The following FAM186A variants were observed in gnomAD, a reference collection of about 807,000 sequenced individuals.
FAM186A encodes protein FAM186A.
A neutral mutation model predicts 216.8 loss-of-function variants in FAM186A; 163 were observed. The ratio of observed to expected loss-of-function variants is 0.75; its 90% CI spans 0.66 to 0.86. The LOEUF is 0.86. Ranked by LOEUF, FAM186A falls within the 40% of genes least tolerant of loss-of-function variation. The pLI, the probability that FAM186A is intolerant of heterozygous loss-of-function variation, is 0.00. For missense variants in FAM186A, 2,184 were observed against 2,746.2 expected, an observed-to-expected ratio of 0.80 and a Z score of 4.58; for synonymous variants, 805 against 1,025.3, an observed-to-expected ratio of 0.79 and a Z score of 4.10.
At chr12:50,337,620 G>A (rs748499998) in intron 4 of FAM186A, among the ~76,000 whole-genome samples, 9 of 151,348 alleles carry the variant, frequency 5.9e-5, no homozygotes, top group South Asian at 4.2e-4. Flanking sequence ...TCTGAAGGCC[G>A]GGCGCGGCGG....
chr12:50,361,698 G>A (rs972036096), intron 2 of FAM186A, among the ~76,000 whole-genome samples: 6 of 150,172 alleles, frequency 4.0e-5, no homozygotes, highest in Non-Finnish European at 8.8e-5. Flanking sequence ...AGCCTCCCTA[G>A]TAGCTGGGAC....
intron 4 of FAM186A, among the ~76,000 whole-genome samples, chr12:50,347,699 G>T (rs568219718): frequency 1.3e-5 from 2 of 151,286 alleles, no homozygotes; most frequent in East Asian, 3.9e-4. Context: ...AAAATTCCCC[G>T]AAATAATAGG....
intron 5 of FAM186A, among the ~76,000 whole-genome samples, chr12:50,333,112 G>A (rs940540503): frequency 4.6e-5 from 7 of 152,186 alleles, no homozygotes; most frequent in African/African-American, 1.7e-4. Flanking sequence ...ATTAGGCTCT[G>A]ATGAGAAGCC....
chr12:50,357,864 A>G (rs752279080), intron 3 of FAM186A, among the ~76,000 whole-genome samples: 10 of 152,098 alleles, frequency 6.6e-5, no homozygotes, highest in Non-Finnish European at 1.0e-4. Context: ...GCCCATGCCT[A>G]GTGGCATTGT....
At chr12:50,388,919 G>A (rs908194368) in intron 1 of FAM186A, among the ~76,000 whole-genome samples, 1 of 151,692 alleles carries the variant, frequency 6.6e-6, no homozygotes, top group African/African-American at 2.4e-5. Flanking sequence ...TGGGCGTGGT[G>A]CATGCCTGAG....
chr12:50,357,083 A>T (rs756367307), intron 3 of FAM186A, among the ~76,000 whole-genome samples: 9 of 152,102 alleles, frequency 5.9e-5, no homozygotes, highest in Non-Finnish European at 1.0e-4. Flanking sequence ...TTCAAGACAA[A>T]ACTTTTCTCT....
Position 50,351,127 on chromosome 12 carries a change from G to A in FAM186A, c.5705C>T (p.Ala1902Val). The A allele has an allele frequency of 6.4e-7, 1 of 1,551,602 alleles. No homozygotes were observed. Among genetic ancestry groups the A allele is most frequent in the East Asian group, 2.4e-5 (1 of 40,914 alleles). Residue 1902 changes from alanine (A) to valine (V), a missense_variant, in exon 4 of 8, where the codon GCT becomes GTT. Around this residue, in one of 7 missense-constraint regions of FAM186A, gnomAD observed 721 missense variants for 816.4 expected, o/e 0.88. Coordinates refer to ENST00000327337, the MANE Select transcript of FAM186A (RefSeq NM_001145475.3). ...CAGATGCTGCCCAGGGGTAGAAGGA[G>A]CCTGCAGATAGGGAGATTGCTCAGC... is the stretch of plus-strand genomic sequence containing the variant. Reference protein sequence around the residue: ...ATAEQSPYLQAPSTPGQHLAT... With the variant: ...ATAEQSPYLQVPSTPGQHLAT...
intron 4 of FAM186A, among the ~76,000 whole-genome samples, chr12:50,344,166 A>G (rs917430112): frequency 1.3e-5 from 2 of 151,620 alleles, no homozygotes; most frequent in African/African-American, 2.4e-5. Context: ...GGTTTGTTAC[A>G]TGGTTATATT....
At position 50,342,479 on chromosome 12, in the gene FAM186A, A is replaced by T. The variant is rs919509807; in HGVS notation, c.6503+7850T>A. ...TATTTTTTATTTTATTTTATTTTTT[A>T]AAATTTTTTTTTAGAGAGAGAGTCT... On this transcript the variant is annotated intron_variant, in intron 4 of 7. Coordinates refer to ENST00000327337, the MANE Select transcript of FAM186A (RefSeq NM_001145475.3). Among the ~76,000 whole-genome samples the T allele has an allele frequency of 6.0e-4, 89 of 148,774 alleles. 1 individual carries two copies. The highest frequency in any genetic ancestry group is 2.1e-3 in the Admixed American group (31 of 14,636).
rs1190571745 is a variant in FAM186A at position 50,331,682 on chromosome 12, C to T, written c.6836G>A (p.Cys2279Tyr). Residue 2279 changes from cysteine (C) to tyrosine (Y), a missense_variant, in exon 6 of 8, where the codon TGC (cysteine) becomes TAC (tyrosine). Cys to Tyr is a radical substitution (Grantham distance 194, BLOSUM62 -2). This residue lies in a region of FAM186A where 721 missense variants were observed against 816.4 expected (regional missense o/e 0.88). Transcript: ENST00000327337. ...LMEEDRTSDI[C>Y]KKFRQQEDQT... is the part of the protein sequence containing the mutation. ...TTCTAGCACATACCTAAATTTCTTG[C>T]ATATGTCAGAGGTTCTGTCCTCTTC... 6.5e-7 allele frequency: 1 copy of T among 1,540,758 alleles called. No homozygotes were observed.
At chr12:50,378,738 A>T (rs980605263) in intron 1 of FAM186A, among the ~76,000 whole-genome samples, 2 of 151,872 alleles carry the variant, frequency 1.3e-5, no homozygotes, top group African/African-American at 2.4e-5. Context: ...TACAAATCAT[A>T]TCACTAGTGG....
Position 50,354,775 on chromosome 12 carries a change from T to C in FAM186A, c.2057A>G (p.Asn686Ser). 1 of 1,535,336 alleles carries C rather than the reference T, an allele frequency of 6.5e-7. No homozygotes were observed. Residue 686 changes from asparagine (N) to serine (S), a missense_variant, in exon 4 of 8, where the codon AAC (asparagine) becomes AGC (serine). Around this residue, in one of 7 missense-constraint regions of FAM186A, gnomAD observed 1,132 missense variants for 1,263.4 expected, o/e 0.90. Coordinates refer to ENST00000327337, the MANE Select transcript of FAM186A (RefSeq NM_001145475.3). ...CTTTTTGTCAAAAGCCTTTCCTATG[T>C]TATCAATTTTCTGTTTTAGGAAAGC... ...IMAFLKQKID[N>S]IGKAFDKKTV...
chr12:50,350,188 G>T, intron 4 of FAM186A, 141 bp downstream of exon 4: 1 of 723,026 alleles, frequency 1.4e-6, no homozygotes, highest in Non-Finnish European at 2.1e-6. Flanking sequence ...TCTTAAACAA[G>T]CTTCCTTCCC....
At chr12:50,348,125 A>C (rs887048364) in intron 4 of FAM186A, among the ~76,000 whole-genome samples, 6 of 144,092 alleles carry the variant, frequency 4.2e-5, no homozygotes, top group African/African-American at 1.0e-4. Context: ...GCTCACTGCA[A>C]CCTCCACCTC....
At chr12:50,375,514 A>C (rs1224796317) in intron 1 of FAM186A, among the ~76,000 whole-genome samples, 1 of 150,190 alleles carries the variant, frequency 6.7e-6, no homozygotes, top group African/African-American at 2.5e-5. Context: ...GCACCATTGC[A>C]CTCCAACCTG....
chr12:50,364,127 G>A (rs1404556659), intron 1 of FAM186A, among the ~76,000 whole-genome samples: 1 of 152,176 alleles, frequency 6.6e-6, no homozygotes, highest in Non-Finnish European at 1.5e-5. Flanking sequence ...CCACCCTACA[G>A]TGCAGTGGAC....
In FAM186A at chr12:50,327,496, CT is replaced by C. The variant is rs1410255730; in HGVS notation, c.7035-93del. The C allele has an allele frequency of 1.9e-5, 17 of 890,380 alleles. No individual in the cohort carries two copies. The African/African-American group carries it at 2.4e-4, about 13-fold the overall frequency. 55.2% of individuals were successfully genotyped at this position (890,380 alleles called of 1,614,324 possible). A position where few individuals can be genotyped will look rare whatever the true frequency, so the allele number is the denominator to read the frequency against. ...TGAGTCATAGGGAAAATAAAAGTGC[CT>C]CCAGAACTCAAAAAGATAAACTAGT... is the stretch of plus-strand genomic sequence containing the variant. On this transcript the variant is annotated intron_variant, in intron 7 of 7. Coordinates refer to ENST00000327337, the MANE Select transcript of FAM186A (RefSeq NM_001145475.3).
intron 1 of FAM186A, among the ~76,000 whole-genome samples, chr12:50,392,135 T>TG (rs1446100213): frequency 6.7e-5 from 2 of 29,756 alleles, no homozygotes; most frequent in African/African-American, 1.3e-4. Flanking sequence ...GGTGGTTAGC[T>TG]GGGGATTGGG....
In FAM186A at chr12:50,351,512, G is replaced by A. The variant is rs1942880474; in HGVS notation, c.5320C>T (p.Pro1774Ser). Residue 1774 changes from proline (P) to serine (S), a missense_variant, in exon 4 of 8, where the codon CCT becomes TCT. Pro to Ser is a moderately conservative substitution (Grantham distance 74). This residue lies in a region of FAM186A where 721 missense variants were observed against 816.4 expected (regional missense o/e 0.88). Coordinates refer to ENST00000327337, the MANE Select transcript of FAM186A (RefSeq NM_001145475.3). The part of the protein sequence containing the change: ...RVPLNQGPFA[P>S]GKPLEMGILS... ...ATCCCCATTTCTAGGGGCTTCCCAG[G>A]GGCAAAGGGGCCTTGGTTGAGGGGA... The A allele has an allele frequency of 2.7e-6, 4 of 1,504,426 alleles. No individual in the cohort carries two copies. The highest frequency in any genetic ancestry group is 3.5e-6 in the Non-Finnish European group (4 of 1,127,966). The allele number at this position is 1,504,426 out of a possible 1,614,324, so 93.2% of individuals were successfully genotyped here. A position where few individuals can be genotyped will look rare whatever the true frequency, so the allele number is the denominator to read the frequency against.
Sources: gnomAD v4.1 joint callset for allele counts (sites outside exome capture counted in the v4.1 genomes callset) on GRCh38, gnomAD v4.1.1 for gene constraint, gnomAD v4.1.1 regional missense constraint, MANE v1.5 for transcripts, NCBI Gene and HGNC (gene_info 2026-07-23, HGNC 2026-07-21) for gene names.